The following CEP57 variants were observed in gnomAD, a reference collection of about 807,000 sequenced individuals.
CEP57 encodes the protein centrosomal protein of 57 kDa.
A neutral mutation model predicts 68.0 loss-of-function variants in CEP57; 40 were observed. That is an observed-to-expected ratio of 0.59 (90% CI 0.46 to 0.77). CEP57 has a LOEUF of 0.77. CEP57 is among the 30% of genes least tolerant of loss of function. CEP57 has a pLI of 0.00. For missense variants in CEP57, 606 were observed against 580.7 expected, an observed-to-expected ratio of 1.04 and a Z score of -0.45; for synonymous variants, 219 against 198.7, an observed-to-expected ratio of 1.10 and a Z score of -0.86.
chr11:95,791,257 G>A (rs12273579), intron 1 of CEP57, among the ~76,000 whole-genome samples: 52,670 of 151,972 alleles, frequency 0.35, 9,848 homozygotes, highest in Non-Finnish European at 0.42. Flanking sequence ...GTTGTGTGAT[G>A]CTCGTAGCCA....
chr11:95,811,134 A>G (rs1423865833), intron 2 of CEP57, among the ~76,000 whole-genome samples: 2 of 152,210 alleles, frequency 1.3e-5, no homozygotes, highest in African/African-American at 2.4e-5. Context: ...ACACATACAC[A>G]TGTATGTTTA....
intron 8 of CEP57, chr11:95,827,107 A>G (rs897601404): frequency 2.0e-5 from 3 of 152,276 alleles, no homozygotes; most frequent in African/African-American, 7.2e-5. Context: ...AAGCCCAGCC[A>G]TCTATTTATA....
At chr11:95,797,826 C>G (rs1268855153) in intron 1 of CEP57, among the ~76,000 whole-genome samples, 2 of 152,094 alleles carry the variant, frequency 1.3e-5, no homozygotes, top group Admixed American at 1.3e-4. Flanking sequence ...ATGGGATTCC[C>G]CTGACTGGGC....
At chr11:95,810,023 C>T (rs1392811694) in intron 2 of CEP57, among the ~76,000 whole-genome samples, 2 of 152,190 alleles carry the variant, frequency 1.3e-5, no homozygotes, top group African/African-American at 2.4e-5. Flanking sequence ...GGCTTCATCT[C>T]TGGGATGCAA....
intron 2 of CEP57, among the ~76,000 whole-genome samples, chr11:95,805,193 C>T (rs1218743382): frequency 5.3e-5 from 8 of 152,088 alleles, no homozygotes; most frequent in Non-Finnish European, 1.0e-4. Context: ...GTGAATTTGC[C>T]TCTGATTCAG....
In CEP57 at chr11:95,831,117, G is replaced by A. The variant is rs1565336775; in HGVS notation, c.1364G>A (p.Gly455Glu). ...DEERNSSSRS[G>E]ITGTTNKKDF... ...GAAAGAAACAGCAGCAGCCGTTCTG[G>A]AATCACAGGGACCACAAATAAGAAA... Residue 455 changes from glycine (G) to glutamate (E), a missense_variant, in exon 11 of 11, where the codon GGA becomes GAA. Coordinates refer to ENST00000325542, the MANE Select transcript of CEP57 (RefSeq NM_014679.5). 6.2e-7 allele frequency: 1 copy of A among 1,613,554 alleles called. No individual in the cohort carries two copies.
chr11:95,832,557 T>C lies in CEP57; in HGVS notation c.*1301T>C, dbSNP rs1035049759. On this transcript the variant is annotated 3_prime_UTR_variant, in exon 11 of 11. Transcript: ENST00000325542. ...GATTGAATTAATAATTGTGAGCCCATAGACACAAGGGAAGTGAGAAACAGT... is the reference window on the plus strand; with the variant it reads ...GATTGAATTAATAATTGTGAGCCCACAGACACAAGGGAAGTGAGAAACAGT... 3 of 152,162 alleles carry C rather than the reference T, an allele frequency of 2.0e-5. No homozygotes were observed. Among genetic ancestry groups the C allele is most frequent in the East Asian group, 1.9e-4 (1 of 5,198 alleles). 9.4% of individuals were successfully genotyped at this position (152,162 alleles called of 1,614,324 possible).
In CEP57 at chr11:95,812,975, C is replaced by T; in HGVS notation, c.246C>T (p.Arg82=). ...AGAATCTTCAAGATAAGATTCGACG[C>T]TTGGAACTTGAGAGGATTCAGGCAG... ...ALKNLQDKIR[R]LELERIQAEE... Residue 82 remains arginine (R), a synonymous_variant, in exon 3 of 11, where the codon CGC becomes CGT. Coordinates refer to ENST00000325542, the MANE Select transcript of CEP57 (RefSeq NM_014679.5). The T allele has an allele frequency of 6.2e-7, 1 of 1,614,026 alleles. No homozygotes were observed. The highest frequency in any genetic ancestry group is 1.1e-5 in the South Asian group (1 of 91,076).
intron 6 of CEP57, among the ~76,000 whole-genome samples, chr11:95,819,412 C>T (rs924809104): frequency 6.6e-6 from 1 of 152,106 alleles, no homozygotes; most frequent in Non-Finnish European, 1.5e-5. Context: ...ATGCAGTGGC[C>T]ACCAGATAGA....
At chr11:95,814,357 A>ATT (rs1170474932) in intron 4 of CEP57, among the ~76,000 whole-genome samples, 25 of 109,902 alleles carry the variant, frequency 2.3e-4, no homozygotes, top group East Asian at 5.3e-4. Context: ...CCTTGTGTGT[A>ATT]TTTTTTTTTT....
intron 2 of CEP57, among the ~76,000 whole-genome samples, chr11:95,806,006 G>C (rs921082887): frequency 1.3e-5 from 2 of 152,090 alleles, no homozygotes; most frequent in African/African-American, 4.8e-5. Flanking sequence ...AACTGTCCAA[G>C]TATATAAAGA....
chr11:95,803,867 C>G (rs1379038533), intron 2 of CEP57, among the ~76,000 whole-genome samples: 1 of 151,952 alleles, frequency 6.6e-6, no homozygotes, highest in African/African-American at 2.4e-5. Flanking sequence ...TGGGTTTCAG[C>G]GTGTGTCCCT....
intron 2 of CEP57, among the ~76,000 whole-genome samples, chr11:95,802,390 G>A (rs964944725): frequency 1.3e-5 from 2 of 151,848 alleles, no homozygotes; most frequent in African/African-American, 2.4e-5. Flanking sequence ...GAGTAGCTGG[G>A]ATTACAGACA....
At chr11:95,800,291 T>C (rs919036700) in intron 2 of CEP57, among the ~76,000 whole-genome samples, 4 of 152,230 alleles carry the variant, frequency 2.6e-5, no homozygotes, top group African/African-American at 9.6e-5. Context: ...AGACTTTTAC[T>C]TGAGGACAGT....
chr11:95,825,611 T>TAA (rs1862705058), intron 8 of CEP57: 2 of 150,900 alleles, frequency 1.3e-5, no homozygotes, highest in Admixed American at 6.6e-5. Flanking sequence ...TTTTTTTTTT[T>TAA]TTTGAGACGG....
chr11:95,794,968 ATGTGTATGGG>A (rs1861278518), intron 1 of CEP57, among the ~76,000 whole-genome samples: 1 of 152,130 alleles, frequency 6.6e-6, no homozygotes, highest in South Asian at 2.1e-4. Context: ...TCATTTCCAT[ATGTGTATGGG>A]TGTGTTACCT....
chr11:95,822,350 A>G (rs1862552736), intron 7 of CEP57, 149 bp from the exon 8 acceptor site: 3 of 669,114 alleles, frequency 4.5e-6, no homozygotes, highest in African/African-American at 1.8e-5. Context: ...AACAAGTACT[A>G]TTAGGAGCTG....
rs1862560360 is a variant in CEP57, at chr11:95,822,550, G to A, written c.859G>A (p.Gly287Ser). The A allele has an allele frequency of 6.2e-7, 1 of 1,613,744 alleles. No individual in the cohort carries two copies. Among genetic ancestry groups the A allele is most frequent in the Non-Finnish European group, 8.5e-7 (1 of 1,179,736 alleles). The change falls in exon 8 of 11, where the codon GGT becomes AGT. Residue 287 changes from glycine to serine, a missense_variant. By Grantham distance (56) the Gly-to-Ser change is moderately conservative (BLOSUM62 0). Coordinates refer to ENST00000325542, the MANE Select transcript of CEP57 (RefSeq NM_014679.5). ...ACAACCACATTATAGATTATGCTTGGGTGATATGCCATTTGTAGCTGGGAA... is the reference window on the plus strand; with the variant it reads ...ACAACCACATTATAGATTATGCTTGAGTGATATGCCATTTGTAGCTGGGAA... The part of the protein sequence containing the change: ...GAQPHYRLCL[G>S]DMPFVAGKST...
rs1860979445 is a variant in CEP57, at chr11:95,790,612, G to C, written c.-87G>C. ...ATCAGGGGTTCAGCCTAGGGTCCCC[G>C]CTGGTGGGCGGCTCCCGAGTCTTGG... On this transcript the variant is annotated 5_prime_UTR_variant, in exon 1 of 11. Transcript: ENST00000325542. The C allele has an allele frequency of 1.3e-6, 2 of 1,523,996 alleles. No homozygotes were observed. Among genetic ancestry groups the C allele is most frequent in the Admixed American group, 3.8e-5 (2 of 53,146 alleles). 94.4% of individuals were successfully genotyped at this position (1,523,996 alleles called of 1,614,324 possible). A position where few individuals can be genotyped will look rare whatever the true frequency, so the allele number is the denominator to read the frequency against.
Sources: gnomAD v4.1 joint callset for allele counts (sites outside exome capture counted in the v4.1 genomes callset) on GRCh38, gnomAD v4.1.1 for gene constraint, MANE v1.5 for transcripts, NCBI Gene and HGNC (gene_info 2026-07-23, HGNC 2026-07-21) for gene names.